The following POLR1A variants were observed in gnomAD, a reference collection of about 807,000 sequenced individuals.
The protein encoded by POLR1A is DNA-directed RNA polymerase I subunit RPA1.
POLR1A carries 84 observed loss-of-function variants against 205.3 expected under a neutral mutation model. The ratio of observed to expected loss-of-function variants is 0.41; its 90% CI spans 0.34 to 0.49. POLR1A has a LOEUF of 0.49. Among genes scored for constraint, POLR1A ranks in the 20% least tolerant of loss-of-function variants. POLR1A has a pLI of 0.22. For missense variants in POLR1A, 1,645 were observed against 2,204.5 expected, an observed-to-expected ratio of 0.75 and a Z score of 5.08; for synonymous variants, 799 against 863.7, an observed-to-expected ratio of 0.93 and a Z score of 1.31.
At chr2:86,068,794 G>A (rs916083306) in intron 13 of POLR1A, among the ~76,000 whole-genome samples, 5 of 152,220 alleles carry the variant, frequency 3.3e-5, no homozygotes, top group African/African-American at 1.2e-4. Flanking sequence ...CCACAGTGGT[G>A]CATCTGGTGG....
chr2:86,086,132 C>T (rs1214607959), intron 6 of POLR1A, among the ~76,000 whole-genome samples: 2 of 152,104 alleles, frequency 1.3e-5, no homozygotes, highest in East Asian at 3.9e-4. Flanking sequence ...AATCTCGGCT[C>T]ACTGCAACCT....
intron 12 of POLR1A, among the ~76,000 whole-genome samples, chr2:86,071,175 G>GA (rs55714410): frequency 0.69 from 99,416 of 144,198 alleles, 39,920 homozygotes; most frequent in Non-Finnish European, 0.89. Context: ...GTGACATGAT[G>GA]AAAAAAAAAA....
intron 27 of POLR1A, among the ~76,000 whole-genome samples, chr2:86,035,199 G>C (rs1672474079): frequency 6.6e-6 from 1 of 152,150 alleles, no homozygotes; most frequent in South Asian, 2.1e-4. Context: ...CTTTTTAAAG[G>C]TGTACGTGGT....
intron 17 of POLR1A, 55 bp from the exon 18 acceptor site, chr2:86,049,097 G>T (rs2104395654): frequency 6.2e-7 from 1 of 1,612,762 alleles, no homozygotes; most frequent in Non-Finnish European, 8.5e-7. Context: ...GAGAGTGTGG[G>T]TTTTGACTCA....
At chr2:86,071,666 T>C (rs1473966246) in intron 12 of POLR1A, among the ~76,000 whole-genome samples, 3 of 152,240 alleles carry the variant, frequency 2.0e-5, no homozygotes, top group Non-Finnish European at 2.9e-5. Context: ...GCTCATACTT[T>C]TCCCCCCTTA....
At chr2:86,088,490 GAAC>G in intron 6 of POLR1A, 73 bp downstream of exon 6, 1 of 904,898 alleles carries the variant, frequency 1.1e-6, no homozygotes, top group African/African-American at 1.6e-5. Flanking sequence ...GTGGTGAGGA[GAAC>G]CAGGTATTCC....
At chr2:86,031,182 G>T in intron 30 of POLR1A, 148 bp downstream of exon 30, 1 of 1,205,706 alleles carries the variant, frequency 8.3e-7, no homozygotes, top group Non-Finnish European at 1.1e-6. Flanking sequence ...CCAAACAGGA[G>T]GCCTGGCTGT....
rs1672262672 is a variant in POLR1A, at chr2:86,026,783, G to A, written c.*640C>T. The A allele has an allele frequency of 6.5e-6, 1 of 154,146 alleles. No individual in the cohort carries two copies. Among genetic ancestry groups the A allele is most frequent in the African/African-American group, 2.4e-5 (1 of 41,490 alleles). 9.5% of individuals were successfully genotyped at this position (154,146 alleles called of 1,614,324 possible). Reference sequence around the variant, plus strand: ...CTAGAAGGACACCTCGCCACACAGTGGCAGGGCCAGGACCCTGGCCAGGCA... The same window carrying A: ...CTAGAAGGACACCTCGCCACACAGTAGCAGGGCCAGGACCCTGGCCAGGCA... On this transcript the variant is annotated 3_prime_UTR_variant, in exon 34 of 34. Coordinates refer to ENST00000263857, the MANE Select transcript of POLR1A (RefSeq NM_015425.6).
At position 86,047,196 on chromosome 2, in the gene POLR1A, C is replaced by T. The variant is rs1203137367; in HGVS notation, c.2702G>A (p.Gly901Glu). 1 of 1,613,992 alleles carries T rather than the reference C, an allele frequency of 6.2e-7. No individual in the cohort carries two copies. The highest frequency in any genetic ancestry group is 8.5e-7 in the Non-Finnish European group (1 of 1,179,986). The change falls in exon 19 of 34, where the codon GGA (glycine) becomes GAA (glutamate). Residue 901 changes from glycine to glutamate, a missense_variant. Coordinates refer to ENST00000263857, the MANE Select transcript of POLR1A (RefSeq NM_015425.6). ...CGTGTTCACAGTTGAACCTTTGGCT[C>T]CCGACTGCACCATCATCTGCAGGCT... Reference protein sequence around the residue: ...ENSLQMMVQSGAKGSTVNTMQ... With the variant: ...ENSLQMMVQSEAKGSTVNTMQ...
intron 21 of POLR1A, among the ~76,000 whole-genome samples, chr2:86,044,657 AG>A (rs1486626788): frequency 6.6e-6 from 1 of 152,202 alleles, no homozygotes; most frequent in East Asian, 1.9e-4. Flanking sequence ...CAGTGTCCTT[AG>A]AACCAAAAGA....
At chr2:86,059,530 TG>T (rs1328817482) in intron 14 of POLR1A, among the ~76,000 whole-genome samples, 1 of 152,232 alleles carries the variant, frequency 6.6e-6, no homozygotes, top group African/African-American at 2.4e-5. Flanking sequence ...ATGGTTCTCC[TG>T]AACAGTCCCA....
chr2:86,048,735 G>C, intron 18 of POLR1A, 149 bp downstream of exon 18: 2 of 684,204 alleles, frequency 2.9e-6, no homozygotes, highest in South Asian at 1.8e-5. Flanking sequence ...TCAAAACAAC[G>C]AGTTCTACCC....
chr2:86,064,395 CAGA>C (rs1198612618), intron 14 of POLR1A, among the ~76,000 whole-genome samples: 1 of 152,106 alleles, frequency 6.6e-6, no homozygotes, highest in Non-Finnish European at 1.5e-5. Context: ...CAGGCAACAG[CAGA>C]AGAACATATT....
At position 86,070,096 on chromosome 2, in the gene POLR1A, G is replaced by C; in HGVS notation, c.1788C>G (p.Ala596=). The change falls in exon 13 of 34, where the codon GCC becomes GCG. Residue 596 remains alanine (A), a synonymous_variant. Transcript: ENST00000263857. This position sits in a 1 kb window ranked among gnomAD's most constrained non-coding sequence, Gnocchi z 4.4. The part of the protein sequence containing the change: ...NADFDGDEMN[A]HFPQSELGRA... ...GGCCCAGCTCACTCTGGGGGAAATG[G>C]GCATTCATCTCGTCTCCATCAAAGT... 6.2e-7 allele frequency: 1 copy of C among 1,614,216 alleles called. No homozygotes were observed. The highest frequency in any genetic ancestry group is 8.5e-7 in the Non-Finnish European group (1 of 1,180,026).
intron 9 of POLR1A, among the ~76,000 whole-genome samples, chr2:86,079,650 C>A (rs1468994508): frequency 1.3e-5 from 2 of 152,166 alleles, no homozygotes; most frequent in Admixed American, 6.5e-5. Flanking sequence ...GCAGCCTCGA[C>A]TTCCCTGGCT....
Position 86,065,401 on chromosome 2 carries a change from C to T in POLR1A, c.1931G>A (p.Arg644Gln). ...HMVSGASMTT[R>Q]GCFFTREHYM... is the part of the protein sequence containing the mutation. ...GTGCTCCCGGGTGAAAAAGCAACCCCGAGTAGTCATGCTTGCCCCTGAAAC... is the reference window on the plus strand; with the variant it reads ...GTGCTCCCGGGTGAAAAAGCAACCCTGAGTAGTCATGCTTGCCCCTGAAAC... The change falls in exon 14 of 34, where the codon CGG becomes CAG. Residue 644 changes from arginine to glutamine, a missense_variant. Coordinates refer to ENST00000263857, the MANE Select transcript of POLR1A (RefSeq NM_015425.6). 8 of 1,614,124 alleles carry T rather than the reference C, an allele frequency of 5.0e-6. No homozygotes were observed. The highest frequency in any genetic ancestry group is 2.2e-5 in the South Asian group (2 of 91,080).
chr2:86,044,521 G>A (rs1335382728), intron 21 of POLR1A, among the ~76,000 whole-genome samples: 1 of 152,216 alleles, frequency 6.6e-6, no homozygotes, highest in Non-Finnish European at 1.5e-5. Context: ...TCTAGGAGGA[G>A]GAGGCTGCAG....
chr2:86,033,749 T>C lies in POLR1A; in HGVS notation c.4073A>G (p.Asn1358Ser). The C allele has an allele frequency of 1.2e-6, 2 of 1,614,134 alleles. No homozygotes were observed. The highest frequency in any genetic ancestry group is 1.7e-6 in the Non-Finnish European group (2 of 1,180,030). ...KLLMESIKKK[N>S]NKASAFRNVN... ...GTTCCTGAAAGCTGATGCTTTATTATTCTTCTTTTTGATGGATTCCATCAG... is the reference window on the plus strand; with the variant it reads ...GTTCCTGAAAGCTGATGCTTTATTACTCTTCTTTTTGATGGATTCCATCAG... The change falls in exon 28 of 34, where the codon AAT becomes AGT. Residue 1358 changes from asparagine (N) to serine (S), a missense_variant. Coordinates refer to ENST00000263857, the MANE Select transcript of POLR1A (RefSeq NM_015425.6).
intron 6 of POLR1A, among the ~76,000 whole-genome samples, chr2:86,083,955 A>ACC (rs1287365676): frequency 1.3e-5 from 2 of 152,130 alleles, no homozygotes; most frequent in African/African-American, 2.4e-5. Context: ...GGAGGTAGGG[A>ACC]CCAGGCATTT....
Sources: gnomAD v4.1 joint callset for allele counts (sites outside exome capture counted in the v4.1 genomes callset) on GRCh38, gnomAD v4.1.1 for gene constraint, Gnocchi (gnomAD v3.1) non-coding constraint, MANE v1.5 for transcripts, NCBI Gene and HGNC (gene_info 2026-07-23, HGNC 2026-07-21) for gene names.